The following PFKM variants were observed in gnomAD, a reference collection of about 807,000 sequenced individuals.
PFKM encodes the protein ATP-dependent 6-phosphofructokinase, muscle type.
A neutral mutation model predicts 95.5 loss-of-function variants in PFKM; 58 were observed. The observed-to-expected ratio is 0.61, with a 90% CI of 0.49 to 0.76. The LOEUF (loss-of-function observed/expected upper bound fraction) is 0.76. PFKM is among the 30% of genes least tolerant of loss of function. The pLI is 0.00. For missense variants in PFKM, 678 were observed against 1,005.4 expected, an observed-to-expected ratio of 0.67 and a Z score of 4.40; for synonymous variants, 336 against 357.2, an observed-to-expected ratio of 0.94 and a Z score of 0.67.
At chr12:48,111,765 C>G (rs916408920) in intron 3 of PFKM, among the ~76,000 whole-genome samples, 2 of 152,024 alleles carry the variant, frequency 1.3e-5, no homozygotes, top group Non-Finnish European at 2.9e-5. Flanking sequence ...TCATGGGGGT[C>G]AGGTGTGGTA....
intron 10 of PFKM, 120 bp from the exon 11 acceptor site, chr12:48,137,601 T>C: frequency 2.6e-6 from 3 of 1,168,868 alleles, no homozygotes; most frequent in Non-Finnish European, 2.5e-6. Flanking sequence ...TTTGCTGCAG[T>C]TCTTAATTGT....
chr12:48,133,596 T>G, intron 6 of PFKM, 116 bp downstream of exon 6: 1 of 908,420 alleles, frequency 1.1e-6, no homozygotes. Context: ...TGGCCAGTTT[T>G]CTGGGGCTAG....
At position 48,134,191 on chromosome 12, in the gene PFKM, A is replaced by G. The variant is rs56009798; in HGVS notation, c.594-41A>G. Reference sequence around the variant, plus strand: ...TGTGGGTGGTGGCTTGATCTTGGCCATAGGGTCACTTGGACTGTGTCATAT... The same window carrying G: ...TGTGGGTGGTGGCTTGATCTTGGCCGTAGGGTCACTTGGACTGTGTCATAT... On this transcript the variant is annotated intron_variant, in intron 6 of 22. Coordinates refer to ENST00000359794, the MANE Select transcript of PFKM (RefSeq NM_000289.6). 3.3e-3 allele frequency: 5,162 copies of G among 1,586,814 alleles called. 146 individuals carry two copies. The African/African-American group carries it at 0.06, about 18-fold the overall frequency.
intron 1 of PFKM, chr12:48,122,448 C>T (rs1948385809): frequency 4.0e-6 from 2 of 495,190 alleles, no homozygotes; most frequent in Admixed American, 4.5e-5. Context: ...TCCTCCCTTT[C>T]TCATTTCTAT....
intron 2 of PFKM, among the ~76,000 whole-genome samples, chr12:48,126,156 G>A (rs759255373): frequency 8.5e-5 from 13 of 152,076 alleles, no homozygotes; most frequent in Non-Finnish European, 1.3e-4. Flanking sequence ...CCTTCGTCTT[G>A]CTTCTAATAA....
In PFKM at chr12:48,106,275, A is replaced by T. The variant is rs919856349; in HGVS notation, c.-10+138A>T. The T allele has an allele frequency of 1.7e-5, 10 of 598,572 alleles. No homozygotes were observed. The African/African-American group carries it at 1.7e-4, about 10-fold the overall frequency. The allele number at this position is 598,572 out of a possible 1,614,324, so 37.1% of individuals were successfully genotyped here. On this transcript the variant is annotated intron_variant, in intron 1 of 24. Coordinates refer to the PFKM transcript ENST00000340802. ...GTCGTAATTTCTCAGTACCCTTTTC[A>T]GTCTGGGCTTTTTCGCTTTCTCGTA...
intron 1 of PFKM, chr12:48,106,182 G>A (rs1169671308): frequency 2.9e-6 from 2 of 693,350 alleles, no homozygotes; most frequent in South Asian, 1.5e-5. Context: ...AAAGAACAGA[G>A]TTAAGGACCA....
At chr12:48,112,304 G>A (rs1376106782) in intron 3 of PFKM, among the ~76,000 whole-genome samples, 1 of 152,198 alleles carries the variant, frequency 6.6e-6, no homozygotes, top group African/African-American at 2.4e-5. Flanking sequence ...ATCCAAAGGT[G>A]GAAGTACCTA....
upstream of PFKM, among the ~76,000 whole-genome samples, chr12:48,114,413 T>A (rs78649179): frequency 0.23 from 34,535 of 151,790 alleles, 4,664 homozygotes; most frequent in East Asian, 0.59. Context: ...TTTGGGCAGG[T>A]GGGGGAGAGC....
intron 3 of PFKM, among the ~76,000 whole-genome samples, chr12:48,112,064 A>G (rs1947240963): frequency 1.3e-5 from 2 of 152,182 alleles, no homozygotes; most frequent in African/African-American, 4.8e-5. Flanking sequence ...TAAAAAGGCT[A>G]CAGGGCGCGG....
chr12:48,125,282 C>A (rs767179435), intron 2 of PFKM: 2 of 440,310 alleles, frequency 4.5e-6, no homozygotes, highest in South Asian at 3.2e-5. Flanking sequence ...AGATAGCCAG[C>A]CATTACAAAT....
chr12:48,137,806 A>C lies in PFKM; in HGVS notation c.1022A>C (p.Asn341Thr), dbSNP rs769931714. Residue 341 changes from asparagine to threonine, a missense_variant, in exon 11 of 23, where the codon AAC (asparagine) becomes ACC (threonine). Asn to Thr is a moderately conservative substitution (Grantham distance 65, BLOSUM62 0). Coordinates refer to ENST00000359794, the MANE Select transcript of PFKM (RefSeq NM_000289.6). ...GCCTGTGTAGTGAGCCTCTCTGGTA[A>C]CCAGGCTGTGCGCCTGCCCCTCATG... ...TPACVVSLSG[N>T]QAVRLPLMEC... The C allele has an allele frequency of 6.2e-7, 1 of 1,614,100 alleles. No individual in the cohort carries two copies. The highest frequency in any genetic ancestry group is 8.5e-7 in the Non-Finnish European group (1 of 1,179,984).
Position 48,139,856 on chromosome 12 carries a change from A to G in PFKM, c.1135A>G (p.Met379Val). 6.2e-7 allele frequency: 1 copy of G among 1,610,018 alleles called. No individual in the cohort carries two copies. Residue 379 changes from methionine to valine, a missense_variant, in exon 13 of 23, where the codon ATG becomes GTG. Transcript: ENST00000359794. ...EALKLRGRSF[M>V]NNWEVYKLLA... ...TATTTGTACTTCCTACAGGAGCTTC[A>G]TGAACAACTGGGAGGTGTACAAGCT...
Position 48,142,940 on chromosome 12 carries a change from C to T in PFKM, c.1812C>T (p.Asp604=). The T allele has an allele frequency of 6.2e-7, 1 of 1,613,652 alleles. No homozygotes were observed. The highest frequency in any genetic ancestry group is 8.5e-7 in the Non-Finnish European group (1 of 1,179,966). Residue 604 remains aspartate, a synonymous_variant, in exon 18 of 23, where the codon GAC becomes GAT. Coordinates refer to ENST00000359794, the MANE Select transcript of PFKM (RefSeq NM_000289.6). ...YIFEEPFTIR[D]LQANVEHLVQ... Reference sequence around the variant, plus strand: ...TTGAGGAGCCCTTCACCATTCGAGACCTGCAGGTAGCTGGCCACCCAGAGC... The same window carrying T: ...TTGAGGAGCCCTTCACCATTCGAGATCTGCAGGTAGCTGGCCACCCAGAGC...
At chr12:48,128,683 C>G (rs762732228) in intron 2 of PFKM, among the ~76,000 whole-genome samples, 9 of 152,178 alleles carry the variant, frequency 5.9e-5, no homozygotes. Context: ...TCCTGATAGC[C>G]TTGGATTATT....
rs144370202 is a variant in PFKM at position 48,139,174 on chromosome 12, C to G, written c.1063-111C>G. 102 of 843,248 alleles carry G rather than the reference C, an allele frequency of 1.2e-4. No homozygotes were observed. In the East Asian group the frequency reaches 2.4e-3, roughly 20 times the overall value. 52.2% of individuals were successfully genotyped at this position (843,248 alleles called of 1,614,324 possible). ...TAGGAAAGGTGGGGTGTAGAATGGA[C>G]AGGATCTAGTCACAATCCCAGAGAT... On this transcript the variant is annotated intron_variant, in intron 11 of 22. Transcript: ENST00000359794.
upstream of PFKM, chr12:48,118,337 A>G: frequency 1.7e-6 from 1 of 594,464 alleles, no homozygotes; most frequent in Admixed American, 2.7e-5. Context: ...CTTATCAGAT[A>G]CATGATTTGC....
intron 3 of PFKM, chr12:48,108,258 C>G (rs1416182268): frequency 3.3e-6 from 5 of 1,499,002 alleles, no homozygotes; most frequent in Non-Finnish European, 4.5e-6. Context: ...AAGTTGTATG[C>G]ATAGTATTAT....
chr12:48,112,180 G>A (rs1023734871), intron 3 of PFKM, among the ~76,000 whole-genome samples: 1 of 152,028 alleles, frequency 6.6e-6, no homozygotes, highest in Non-Finnish European at 1.5e-5. Context: ...GCAGCTTCTA[G>A]GGCTGTCTTT....
Sources: gnomAD v4.1 joint callset for allele counts (sites outside exome capture counted in the v4.1 genomes callset) on GRCh38, gnomAD v4.1.1 for gene constraint, MANE v1.5 for transcripts, NCBI Gene and HGNC (gene_info 2026-07-23, HGNC 2026-07-21) for gene names.